The following SNCAIP variants were observed in gnomAD, a reference collection of about 807,000 sequenced individuals.
SNCAIP encodes synphilin-1.
Under a neutral mutation model 86.7 loss-of-function variants are expected in SNCAIP, and 43 were observed. That is an observed-to-expected ratio of 0.50 (90% CI 0.39 to 0.64). The LOEUF (loss-of-function observed/expected upper bound fraction) is 0.64. Ranked by LOEUF, SNCAIP falls within the 30% of genes least tolerant of loss-of-function variation. SNCAIP has a pLI of 0.00. For missense variants in SNCAIP, 981 were observed against 1,103.1 expected (o/e 0.89, Z 1.57); for synonymous variants, 417 against 427.2 (o/e 0.98, Z 0.29).
chr5:122,316,440 T>C (rs1405185911), intron 1 of SNCAIP, among the ~76,000 whole-genome samples: 4 of 152,180 alleles, frequency 2.6e-5, no homozygotes, highest in African/African-American at 7.2e-5. Flanking sequence ...ACTGGAGCAC[T>C]GCTGTCAGAA....
At chr5:122,328,152 G>T (rs1029254332) in intron 1 of SNCAIP, among the ~76,000 whole-genome samples, 1 of 152,166 alleles carries the variant, frequency 6.6e-6, no homozygotes, top group African/African-American at 2.4e-5. Context: ...GTTTCCCATT[G>T]CAGTAAGAGA....
intron 5 of SNCAIP, among the ~76,000 whole-genome samples, chr5:122,427,007 T>C (rs547273306): frequency 9.2e-5 from 14 of 152,324 alleles, no homozygotes; most frequent in Admixed American, 7.2e-4. Flanking sequence ...GATATAGCCC[T>C]GTGACAGAGT....
chr5:122,427,846 G>A (rs1258875414), intron 5 of SNCAIP, among the ~76,000 whole-genome samples: 1 of 152,096 alleles, frequency 6.6e-6, no homozygotes, highest in Non-Finnish European at 1.5e-5. Flanking sequence ...GATTTACCTG[G>A]GAACGGGCTT....
Position 122,418,594 on chromosome 5 carries a change from C to G in SNCAIP, c.131-4274C>G, listed in dbSNP as rs75137106. On this transcript the variant is annotated intron_variant, in intron 3 of 10. Transcript: ENST00000261368. ...CGTCTCTGAGCCTGAGGCCTGAGGT[C>G]TCATTTTTCGAATAGGGAATTGTAA... Among the ~76,000 whole-genome samples, 5 of 152,206 alleles carry G rather than the reference C, an allele frequency of 3.3e-5. No homozygotes were observed. The East Asian group carries it at 9.6e-4, about 29-fold the overall frequency.
At chr5:122,322,333 G>A (rs1674945404) in intron 1 of SNCAIP, among the ~76,000 whole-genome samples, 1 of 152,090 alleles carries the variant, frequency 6.6e-6, no homozygotes, top group Non-Finnish European at 1.5e-5. Flanking sequence ...CTAAAAGATT[G>A]GTACTTCCAT....
intron 3 of SNCAIP, among the ~76,000 whole-genome samples, chr5:122,410,185 A>T (rs1208223592): frequency 2.6e-5 from 4 of 152,218 alleles, no homozygotes; most frequent in African/African-American, 9.6e-5. Flanking sequence ...TTTTTAAAGA[A>T]CTTAACCTTG....
chr5:122,322,759 A>G (rs1267065293), intron 1 of SNCAIP, among the ~76,000 whole-genome samples: 1 of 152,236 alleles, frequency 6.6e-6, no homozygotes, highest in Non-Finnish European at 1.5e-5. Context: ...ATAATAGCAT[A>G]CATTCTATAG....
At chr5:122,393,933 G>T (rs193017413) in intron 2 of SNCAIP, among the ~76,000 whole-genome samples, 80 of 152,264 alleles carry the variant, frequency 5.3e-4, no homozygotes, top group African/African-American at 1.7e-3. Context: ...TTGTTCTCAG[G>T]CTGTTTAGGT....
intron 2 of SNCAIP, chr5:122,401,140 C>G (rs1771727036): frequency 1.9e-6 from 3 of 1,547,168 alleles, no homozygotes; most frequent in Non-Finnish European, 2.6e-6. Flanking sequence ...TGTTGGCGAA[C>G]TGACAGTTAC....
At chr5:122,341,236 G>T (rs980942552) in intron 1 of SNCAIP, among the ~76,000 whole-genome samples, 6 of 152,180 alleles carry the variant, frequency 3.9e-5, no homozygotes, top group East Asian at 1.9e-4. Context: ...GAGCTTACAG[G>T]TTGAACAGTC....
intron 3 of SNCAIP, among the ~76,000 whole-genome samples, chr5:122,412,053 T>G (rs577808007): frequency 6.6e-6 from 1 of 152,292 alleles, no homozygotes; most frequent in South Asian, 2.1e-4. Flanking sequence ...CTCGCACGCC[T>G]CCTGCCTGCC....
At chr5:122,384,141 GAC>G (rs1338782162) in intron 1 of SNCAIP, among the ~76,000 whole-genome samples, 2 of 152,176 alleles carry the variant, frequency 1.3e-5, no homozygotes, top group Admixed American at 1.3e-4. Context: ...ATGGTTCAAA[GAC>G]ACACCCATGA....
At chr5:122,373,143 A>T (rs1004549910) in intron 1 of SNCAIP, among the ~76,000 whole-genome samples, 5 of 152,182 alleles carry the variant, frequency 3.3e-5, no homozygotes, top group Admixed American at 3.3e-4. Context: ...TATTCTCTCC[A>T]TCACAGTTTT....
chr5:122,378,239 G>C lies in SNCAIP; in HGVS notation c.-46-12850G>C, dbSNP rs1267899261. Among the ~76,000 whole-genome samples, 2 of 145,366 alleles carry C rather than the reference G, an allele frequency of 1.4e-5. 1 individual carries two copies. Among genetic ancestry groups the C allele is most frequent in the Non-Finnish European group, 3.0e-5 (2 of 66,208 alleles). On this transcript the variant is annotated intron_variant, in intron 1 of 10. Transcript: ENST00000261368. ...AATTTAATGATCGCCATTCTAACTGGTGTGAGATGGTATCTCATTGTGGTT... is the reference window on the plus strand; with the variant it reads ...AATTTAATGATCGCCATTCTAACTGCTGTGAGATGGTATCTCATTGTGGTT...
chr5:122,423,586 C>G lies in SNCAIP; in HGVS notation c.849C>G (p.Phe283Leu), dbSNP rs774946662. Residue 283 changes from phenylalanine to leucine, a missense_variant, in exon 4 of 11, where the codon TTC becomes TTG. Coordinates refer to ENST00000261368, the MANE Select transcript of SNCAIP (RefSeq NM_005460.4). ...CACCAGACTGCCAGCTCAGGGCCTT[C>G]CACCTACAATCCTCAGCAGCAGAAT... is the stretch of plus-strand genomic sequence containing the variant. ...KTTPDCQLRA[F>L]HLQSSAAESK... The G allele has an allele frequency of 1.2e-6, 2 of 1,614,000 alleles. No individual in the cohort carries two copies. The highest frequency in any genetic ancestry group is 2.7e-5 in the African/African-American group (2 of 74,928).
intron 1 of SNCAIP, among the ~76,000 whole-genome samples, chr5:122,348,931 A>G (rs1055251557): frequency 3.3e-5 from 5 of 152,200 alleles, no homozygotes; most frequent in Admixed American, 2.6e-4. Context: ...AATCTAGTTC[A>G]TAGCTTAAAT....
At chr5:122,351,045 A>G (rs1180019751) in intron 1 of SNCAIP, among the ~76,000 whole-genome samples, 2 of 152,196 alleles carry the variant, frequency 1.3e-5, no homozygotes, top group Non-Finnish European at 2.9e-5. Flanking sequence ...CCCAGATCTC[A>G]TATTACTCTG....
chr5:122,361,516 A>T (rs1762203139), intron 1 of SNCAIP, among the ~76,000 whole-genome samples: 1 of 152,226 alleles, frequency 6.6e-6, no homozygotes, highest in Non-Finnish European at 1.5e-5. Context: ...GAATACAAAG[A>T]GATGATACTT....
intron 1 of SNCAIP, among the ~76,000 whole-genome samples, chr5:122,317,777 GCATAT>G (rs907728856): frequency 6.6e-6 from 1 of 152,018 alleles, no homozygotes; most frequent in Non-Finnish European, 1.5e-5. Flanking sequence ...TCCCTGACAG[GCATAT>G]CATCCTCTCA....
Sources: gnomAD v4.1 joint callset for allele counts (sites outside exome capture counted in the v4.1 genomes callset) on GRCh38, gnomAD v4.1.1 for gene constraint, MANE v1.5 for transcripts, NCBI Gene and HGNC (gene_info 2026-07-23, HGNC 2026-07-21) for gene names.